Variants in RPS6KA5 observed in about 807,000 individuals in gnomAD.
The protein encoded by RPS6KA5 is ribosomal protein S6 kinase alpha-5.
Under a neutral mutation model 85.5 loss-of-function variants are expected in RPS6KA5, and 27 were observed. The ratio of observed to expected loss-of-function variants is 0.32; its 90% confidence interval spans 0.23 to 0.44. RPS6KA5 has a LOEUF of 0.44. Among genes scored for constraint, RPS6KA5 ranks in the 20% least tolerant of loss-of-function variants. The pLI is 1.00. For missense variants in RPS6KA5, 811 were observed against 980.9 expected (o/e 0.83, Z 2.31); for synonymous variants, 334 against 348.2 (o/e 0.96, Z 0.46).
At chr14:90,963,495 A>G (rs533600763) in intron 3 of RPS6KA5, among the ~76,000 whole-genome samples, 1 of 151,986 alleles carries the variant, frequency 6.6e-6, no homozygotes, top group Non-Finnish European at 1.5e-5. Flanking sequence ...TGATTTTCCA[A>G]CTCCATCATT....
intron 12 of RPS6KA5, among the ~76,000 whole-genome samples, chr14:90,898,376 T>C (rs1444593399): frequency 6.6e-6 from 1 of 152,204 alleles, no homozygotes; most frequent in Non-Finnish European, 1.5e-5. Flanking sequence ...CTGCCTGGTC[T>C]CACCATGATG....
intron 12 of RPS6KA5, among the ~76,000 whole-genome samples, chr14:90,895,839 G>A (rs1241969689): frequency 2.6e-5 from 4 of 152,156 alleles, no homozygotes; most frequent in Non-Finnish European, 4.4e-5. Flanking sequence ...GCAGGGAGCC[G>A]TCACTGTGCC....
intron 5 of RPS6KA5, among the ~76,000 whole-genome samples, chr14:90,938,066 G>A (rs1055250909): frequency 3.3e-4 from 50 of 152,270 alleles, no homozygotes; most frequent in African/African-American, 1.2e-3. Flanking sequence ...TCAAAAGCAA[G>A]TTAGTTACTT....
chr14:91,052,283 A>AC (rs1312828201), intron 1 of RPS6KA5: 1 of 257,600 alleles, frequency 3.9e-6, no homozygotes, highest in African/African-American at 5.5e-5. Context: ...CCCCATCTCT[A>AC]CTAAAAAAAA....
intron 2 of RPS6KA5, among the ~76,000 whole-genome samples, chr14:90,984,022 T>C (rs890773807): frequency 3.0e-4 from 46 of 152,154 alleles, no homozygotes; most frequent in African/African-American, 1.1e-3. Context: ...TTTTTGTATT[T>C]TTAGTAGAGA....
At chr14:91,028,700 A>G (rs2042074253) in intron 1 of RPS6KA5, among the ~76,000 whole-genome samples, 1 of 151,556 alleles carries the variant, frequency 6.6e-6, no homozygotes, top group Admixed American at 6.6e-5. Flanking sequence ...TTGTATTTTT[A>G]GTAGAGATAG....
At chr14:91,025,735 C>G (rs2139814594) in intron 1 of RPS6KA5, among the ~76,000 whole-genome samples, 1 of 149,696 alleles carries the variant, frequency 6.7e-6, no homozygotes, top group South Asian at 2.1e-4. Context: ...CAGAGGTGTT[C>G]TAAAGATTTA....
At chr14:91,059,315 G>A (rs1174995764) in intron 1 of RPS6KA5, among the ~76,000 whole-genome samples, 1 of 145,870 alleles carries the variant, frequency 6.9e-6, no homozygotes, top group African/African-American at 2.5e-5. Context: ...ACTCCAGCCT[G>A]AGCAACAAGA....
chr14:90,897,988 G>A (rs564815386), intron 12 of RPS6KA5, among the ~76,000 whole-genome samples: 33 of 152,276 alleles, frequency 2.2e-4, no homozygotes, highest in South Asian at 4.2e-4. Flanking sequence ...CAGGGAGAGC[G>A]GTTCCCCCTG....
intron 3 of RPS6KA5, among the ~76,000 whole-genome samples, chr14:90,976,517 TTC>T (rs1294956033): frequency 2.0e-5 from 3 of 152,194 alleles, no homozygotes; most frequent in African/African-American, 7.2e-5. Context: ...CCATTTGAAT[TTC>T]TGTGTGTTCA....
chr14:90,948,151 G>A (rs898332052), intron 3 of RPS6KA5, among the ~76,000 whole-genome samples: 1 of 152,118 alleles, frequency 6.6e-6, no homozygotes, highest in Admixed American at 6.5e-5. Context: ...ATCCCAAGGG[G>A]GATAATGAAA....
intron 2 of RPS6KA5, 110 bp downstream of exon 2, chr14:91,000,975 TGGA>T (rs2040762495): frequency 1.7e-6 from 1 of 603,794 alleles, no homozygotes; most frequent in African/African-American, 1.9e-5. Context: ...GTTCTCCTAA[TGGA>T]TTCCTCATGC....
chr14:90,932,215 C>T (rs2037021615), intron 5 of RPS6KA5, among the ~76,000 whole-genome samples: 1 of 152,120 alleles, frequency 6.6e-6, no homozygotes, highest in African/African-American at 2.4e-5. Flanking sequence ...CCTCTGCCTC[C>T]CGGATTCAAG....
chr14:90,945,194 G>A (rs531215023), intron 4 of RPS6KA5, among the ~76,000 whole-genome samples: 1 of 152,208 alleles, frequency 6.6e-6, no homozygotes, highest in African/African-American at 2.4e-5. Context: ...TGAGGCTGCA[G>A]TGAGCTGTGA....
At chr14:90,944,066 T>C (rs945560959) in intron 4 of RPS6KA5, among the ~76,000 whole-genome samples, 2 of 152,220 alleles carry the variant, frequency 1.3e-5, no homozygotes, top group Admixed American at 1.3e-4. Context: ...GTAACATTTA[T>C]AGATCCCTCT....
intron 5 of RPS6KA5, among the ~76,000 whole-genome samples, chr14:90,942,404 T>C (rs919694236): frequency 1.1e-4 from 17 of 152,226 alleles, no homozygotes; most frequent in Non-Finnish European, 1.8e-4. Context: ...CTTGAATAAC[T>C]AGTAGTGCAG....
chr14:90,938,507 C>G (rs1246302575), intron 5 of RPS6KA5, among the ~76,000 whole-genome samples: 1 of 152,248 alleles, frequency 6.6e-6, no homozygotes, highest in South Asian at 2.1e-4. Context: ...TTCTGCACTG[C>G]CCTAGCAGAG....
In RPS6KA5 at chr14:90,872,107, C is replaced by A. The variant is rs2033149748; in HGVS notation, c.2376G>T (p.Glu792Asp). ...CTGAGTCCGAGAACTGGAAGAGGGT[C>A]TCCGGGTTATTGCTGTCGGCAGGAT... ...PSNPADSNNPETLFQFSDSVA is the reference protein window; with the variant it reads ...PSNPADSNNPDTLFQFSDSVA Residue 792 changes from glutamate to aspartate, a missense_variant, in exon 17 of 17, where the codon GAG becomes GAT. Glu to Asp is a conservative substitution (Grantham distance 45, BLOSUM62 2). Around this residue, in one of 3 missense-constraint regions of RPS6KA5, gnomAD observed 650 missense variants for 793.4 expected, o/e 0.82. Transcript: ENST00000614987. The A allele has an allele frequency of 6.2e-7, 1 of 1,613,398 alleles. No individual in the cohort carries two copies. The highest frequency in any genetic ancestry group is 1.7e-5 in the Admixed American group (1 of 59,928).
At chr14:90,914,662 G>A (rs1220573196) in intron 7 of RPS6KA5, among the ~76,000 whole-genome samples, 1 of 152,108 alleles carries the variant, frequency 6.6e-6, no homozygotes, top group African/African-American at 2.4e-5. Context: ...CCCCGCTAGG[G>A]AGTGCCTCAG....
Sources: gnomAD v4.1 joint callset for allele counts (sites outside exome capture counted in the v4.1 genomes callset) on GRCh38, gnomAD v4.1.1 for gene constraint, gnomAD v4.1.1 regional missense constraint, MANE v1.5 for transcripts, NCBI Gene and HGNC (gene_info 2026-07-23, HGNC 2026-07-21) for gene names.